Variants in WDR35 observed in about 807,000 individuals in gnomAD.
The protein encoded by WDR35 is WD repeat domain 35, also known as WD repeat-containing protein 35.
WDR35 carries 118 observed loss-of-function variants against 158.3 expected under a neutral mutation model. The ratio of observed to expected loss-of-function variants is 0.75; its 90% confidence interval spans 0.64 to 0.87. The LOEUF (loss-of-function observed/expected upper bound fraction) is 0.87. WDR35 is among the 40% of genes least tolerant of loss of function. WDR35 has a pLI of 0.00. For missense variants in WDR35, 1,263 were observed against 1,405.8 expected, an observed-to-expected ratio of 0.90 and a Z score of 1.62; for synonymous variants, 448 against 476.1, an observed-to-expected ratio of 0.94 and a Z score of 0.77.
intron 12 of WDR35, among the ~76,000 whole-genome samples, chr2:19,952,334 G>A (rs967824179): frequency 2.0e-5 from 3 of 152,176 alleles, no homozygotes; most frequent in African/African-American, 7.2e-5. Context: ...TTATGAAAGT[G>A]TCTGGCACGT....
intron 10 of WDR35, 76 bp from the exon 11 acceptor site, chr2:19,960,690 T>G (rs1238076657): frequency 8.9e-7 from 1 of 1,125,000 alleles, no homozygotes; most frequent in East Asian, 2.4e-5. Flanking sequence ...ATATATATCA[T>G]GCTTATCTCT....
At chr2:19,928,116 T>C (rs1024822544) in intron 25 of WDR35, among the ~76,000 whole-genome samples, 1 of 150,978 alleles carries the variant, frequency 6.6e-6, no homozygotes, top group Non-Finnish European at 1.5e-5. Flanking sequence ...CTCTGGAAGG[T>C]TGTGGTTTAC....
At chr2:19,939,897 T>C (rs1300938187) in intron 17 of WDR35, among the ~76,000 whole-genome samples, 1 of 151,892 alleles carries the variant, frequency 6.6e-6, no homozygotes, top group African/African-American at 2.4e-5. Flanking sequence ...ATTAAATATA[T>C]AAAAGCAGAC....
chr2:19,969,162 C>T (rs1286340088), intron 9 of WDR35, among the ~76,000 whole-genome samples: 19 of 152,208 alleles, frequency 1.2e-4, no homozygotes, highest in Admixed American at 1.0e-3. Context: ...TTCTCATTGA[C>T]GCTAATCTTT....
At chr2:19,985,524 A>G (rs1369438254) in intron 2 of WDR35, among the ~76,000 whole-genome samples, 1 of 150,358 alleles carries the variant, frequency 6.7e-6, no homozygotes, top group African/African-American at 2.5e-5. Context: ...GCTCCAACCC[A>G]GGCTGTCAGC....
At chr2:19,945,022 T>A (rs911815659) in intron 16 of WDR35, among the ~76,000 whole-genome samples, 1 of 152,148 alleles carries the variant, frequency 6.6e-6, no homozygotes, top group African/African-American at 2.4e-5. Flanking sequence ...TGAAAATCCA[T>A]TACTAATTCA....
chr2:19,926,451 C>A (rs1401084073), intron 25 of WDR35, among the ~76,000 whole-genome samples: 1 of 152,200 alleles, frequency 6.6e-6, no homozygotes, highest in Non-Finnish European at 1.5e-5. Context: ...GTAATGACTG[C>A]TTTTGATTTG....
Position 19,969,695 on chromosome 2 carries a change from A to T in WDR35, c.883-90T>A, listed in dbSNP as rs1345690002. The stretch of plus-strand genomic sequence containing the variant: ...TCACTTCACAGAGATCAAAAGTGGT[A>T]TGAACATTATTTTGTGAAAAGTTAC... On this transcript the variant is annotated intron_variant, in intron 8 of 26. Transcript: ENST00000281405. The T allele has an allele frequency of 9.5e-6, 13 of 1,362,108 alleles. No homozygotes were observed. In the East Asian group the frequency reaches 3.1e-4, roughly 32 times the overall value. 84.4% of individuals were successfully genotyped at this position (1,362,108 alleles called of 1,614,324 possible). A position where few individuals can be genotyped will look rare whatever the true frequency, so the allele number is the denominator to read the frequency against.
At chr2:19,987,150 C>A (rs915790649) in intron 2 of WDR35, among the ~76,000 whole-genome samples, 2 of 152,174 alleles carry the variant, frequency 1.3e-5, no homozygotes, top group African/African-American at 4.8e-5. Flanking sequence ...ACCCAAACTA[C>A]AACACATTAT....
chr2:19,921,326 T>A (rs1442858744), intron 25 of WDR35, among the ~76,000 whole-genome samples: 2 of 152,046 alleles, frequency 1.3e-5, no homozygotes, highest in Admixed American at 6.5e-5. Context: ...GACTACGAAC[T>A]ATACTACAAG....
intron 25 of WDR35, among the ~76,000 whole-genome samples, chr2:19,923,541 G>A (rs547569290): frequency 4.6e-5 from 7 of 152,268 alleles, no homozygotes; most frequent in East Asian, 1.9e-4. Flanking sequence ...AAGCTAAAGC[G>A]GTAAAGGAGA....
intron 25 of WDR35, among the ~76,000 whole-genome samples, chr2:19,927,485 T>C (rs576118147): frequency 1.3e-5 from 2 of 152,292 alleles, no homozygotes; most frequent in African/African-American, 4.8e-5. Flanking sequence ...GTTCAGATGG[T>C]CTCAACAAAA....
chr2:19,967,759 A>G (rs1047178789), intron 9 of WDR35, among the ~76,000 whole-genome samples: 1 of 152,134 alleles, frequency 6.6e-6, no homozygotes, highest in Non-Finnish European at 1.5e-5. Context: ...GAAAAGTTGC[A>G]AAGATAGCAC....
intron 10 of WDR35, among the ~76,000 whole-genome samples, chr2:19,966,453 C>A (rs541208096): frequency 6.6e-6 from 1 of 151,774 alleles, no homozygotes; most frequent in Non-Finnish European, 1.5e-5. Context: ...AAAGGGATTG[C>A]GGTATTTTAA....
At chr2:19,953,462 C>G (rs542755246) in intron 12 of WDR35, among the ~76,000 whole-genome samples, 2 of 152,290 alleles carry the variant, frequency 1.3e-5, no homozygotes, top group Non-Finnish European at 2.9e-5. Context: ...TCACCCCACC[C>G]TCTTGGGAAA....
intron 11 of WDR35, among the ~76,000 whole-genome samples, chr2:19,959,912 G>A (rs1671579832): frequency 6.6e-6 from 1 of 151,952 alleles, no homozygotes; most frequent in South Asian, 2.1e-4. Context: ...CAAAATACTT[G>A]TTAATGATTT....
rs561451977 is a variant in WDR35 at position 19,954,743 on chromosome 2, A to G, written c.1256-765T>C. Among the ~76,000 whole-genome samples, 4 of 152,160 alleles carry G rather than the reference A, an allele frequency of 2.6e-5. No individual in the cohort carries two copies. In the East Asian group the frequency reaches 7.7e-4, roughly 29 times the overall value. On this transcript the variant is annotated intron_variant, in intron 11 of 26. Transcript: ENST00000281405. ...GTTCACTTTGGTAAACAGTTCAGCA[A>G]CTCCTCAAAATGTTAAATACAGAGT...
chr2:19,940,676 T>C (rs901053334), intron 17 of WDR35, among the ~76,000 whole-genome samples: 3 of 152,146 alleles, frequency 2.0e-5, no homozygotes, highest in Non-Finnish European at 4.4e-5. Context: ...AAAGCCCAGA[T>C]GCTTCTTCCT....
chr2:19,923,610 C>G (rs1401167570), intron 25 of WDR35, among the ~76,000 whole-genome samples: 1 of 152,174 alleles, frequency 6.6e-6, no homozygotes, highest in Non-Finnish European at 1.5e-5. Flanking sequence ...AATGACCCTC[C>G]AGATCTTTCT....
Sources: gnomAD v4.1 joint callset for allele counts (sites outside exome capture counted in the v4.1 genomes callset) on GRCh38, gnomAD v4.1.1 for gene constraint, MANE v1.5 for transcripts, NCBI Gene and HGNC (gene_info 2026-07-23, HGNC 2026-07-21) for gene names.